The following MAGOHB variants were observed in gnomAD, a reference collection of about 807,000 sequenced individuals.
The protein encoded by MAGOHB is protein mago nashi homolog 2.
In MAGOHB, 15 loss-of-function variants were observed where a neutral mutation model predicts 20.9. That is an observed-to-expected ratio of 0.72 (90% CI 0.48 to 1.11). The LOEUF (loss-of-function observed/expected upper bound fraction) is 1.11, where lower values mean the gene tolerates loss of function less well. Among genes scored for constraint, MAGOHB ranks in the 50% least tolerant of loss-of-function variants. MAGOHB has a pLI of 0.00. For missense variants in MAGOHB, 162 were observed against 177.6 expected (o/e 0.91, Z 0.50); for synonymous variants, 50 against 57.9 (o/e 0.86, Z 0.62).
At chr12:10,610,577 CAA>C (rs541042923) in intron 2 of MAGOHB, 43 bp downstream of exon 2, 51,119 of 699,678 alleles carry the variant, frequency 0.073, 1 homozygote, top group Middle Eastern at 0.087. Context: ...GGGCTAAATG[CAA>C]AAAAAAAAAA....
At chr12:10,609,551 G>A in intron 3 of MAGOHB, 2 of 442,306 alleles carry the variant, frequency 4.5e-6, no homozygotes, top group Admixed American at 7.0e-5. Context: ...ACACACAACA[G>A]AAATTATTCA....
intron 2 of MAGOHB, among the ~76,000 whole-genome samples, chr12:10,610,293 C>T (rs190271287): frequency 2.0e-5 from 3 of 152,086 alleles, no homozygotes; most frequent in Admixed American, 6.6e-5. Flanking sequence ...GCAGGAGAAT[C>T]GCTTGAGCCT....
chr12:10,610,775 T>A (rs1865718985), intron 1 of MAGOHB, 95 bp from the exon 2 acceptor site: 1 of 1,097,226 alleles, frequency 9.1e-7, no homozygotes, highest in Non-Finnish European at 1.3e-6. Flanking sequence ...CATTTTATAC[T>A]ACTATTTTTA....
In MAGOHB at chr12:10,605,387, A is replaced by G. The variant is rs1484670834; in HGVS notation, c.*888T>C. On this transcript the variant is annotated 3_prime_UTR_variant, in exon 5 of 5. Transcript: ENST00000320756. ...GGGCAAGTGGATTATAACTACTGGA[A>G]CAGTGCAACTTTTTAAGAGTGGGGC... The G allele has an allele frequency of 2.0e-5, 3 of 152,214 alleles. No homozygotes were observed. Among genetic ancestry groups the G allele is most frequent in the Non-Finnish European group, 4.4e-5 (3 of 68,036 alleles). The allele number at this position is 152,214 out of a possible 1,614,324, so 9.4% of individuals were successfully genotyped here. A position where few individuals can be genotyped will look rare whatever the true frequency, so the allele number is the denominator to read the frequency against.
At chr12:10,611,906 C>A (rs1865750091) in intron 1 of MAGOHB, among the ~76,000 whole-genome samples, 1 of 152,012 alleles carries the variant, frequency 6.6e-6, no homozygotes, top group African/African-American at 2.4e-5. Flanking sequence ...GTACTTAATT[C>A]ATGTGACCTG....
intron 1 of MAGOHB, among the ~76,000 whole-genome samples, chr12:10,612,368 G>A (rs1427759068): frequency 6.6e-6 from 1 of 151,198 alleles, no homozygotes; most frequent in Non-Finnish European, 1.5e-5. Flanking sequence ...ACTGCACTCA[G>A]ATCTGGGTGA....
intron 3 of MAGOHB, 48 bp from the exon 4 acceptor site, chr12:10,607,984 G>C: frequency 8.6e-7 from 1 of 1,160,834 alleles, no homozygotes; most frequent in Non-Finnish European, 1.2e-6. Flanking sequence ...ATCTATCCCA[G>C]AGGTATCTGT....
chr12:10,599,559 C>T (rs1348274457), downstream of MAGOHB: 1 of 152,140 alleles, frequency 6.6e-6, no homozygotes, highest in Non-Finnish European at 1.5e-5. Flanking sequence ...GTGGAGAAAA[C>T]TGATTTCAAA....
In MAGOHB at chr12:10,604,988, C is replaced by T. The variant is rs1475056863; in HGVS notation, c.*1287G>A. ...AGTAGTTTATTGGCACCAATTACAC[C>T]AGTTAAGTGAAAAACCAAGATTTAT... On this transcript the variant is annotated 3_prime_UTR_variant, in exon 5 of 5. Coordinates refer to ENST00000320756, the MANE Select transcript of MAGOHB (RefSeq NM_018048.5). The T allele has an allele frequency of 6.6e-6, 1 of 151,966 alleles. No individual in the cohort carries two copies. Among genetic ancestry groups the T allele is most frequent in the Non-Finnish European group, 1.5e-5 (1 of 67,984 alleles). 9.4% of individuals were successfully genotyped at this position (151,966 alleles called of 1,614,324 possible). A position where few individuals can be genotyped will look rare whatever the true frequency, so the allele number is the denominator to read the frequency against.
In MAGOHB at chr12:10,609,866, C is replaced by T. The variant is rs1865691628; in HGVS notation, c.229G>A (p.Ala77Thr). The change falls in exon 3 of 5, where the codon GCT (alanine) becomes ACT (threonine). Residue 77 changes from alanine to threonine, a missense_variant. Transcript: ENST00000320756. ...ACCCTATCAGGGGGAGGCCACAAAGCATCATCTTCTTTTGTAATTTCACTG... is the reference window on the plus strand; with the variant it reads ...ACCCTATCAGGGGGAGGCCACAAAGTATCATCTTCTTTTGTAATTTCACTG... Reference protein sequence around the residue: ...DDSEITKEDDALWPPPDRVGR... With the variant: ...DDSEITKEDDTLWPPPDRVGR... 2 of 1,613,118 alleles carry T rather than the reference C, an allele frequency of 1.2e-6. No homozygotes were observed. The highest frequency in any genetic ancestry group is 1.7e-6 in the Non-Finnish European group (2 of 1,179,448).
chr12:10,611,435 T>C (rs1247699918), intron 1 of MAGOHB, among the ~76,000 whole-genome samples: 1 of 151,940 alleles, frequency 6.6e-6, no homozygotes, highest in Non-Finnish European at 1.5e-5. Context: ...TACTCTAAAA[T>C]GATAGAAATG....
rs576909816 is a variant in MAGOHB at position 10,612,335 on chromosome 12, T to C, written c.94+1104A>G. Among the ~76,000 whole-genome samples the C allele has an allele frequency of 4.4e-4, 66 of 151,618 alleles. 2 individuals carry two copies. In the South Asian group the frequency reaches 0.01, roughly 23 times the overall value. On this transcript the variant is annotated intron_variant, in intron 1 of 4. Transcript: ENST00000320756. Reference sequence around the variant, plus strand: ...ATCACTTGCACTAGGGAGGGGGAGGTTGCAGTGAGCTGAGATCGTGCCACT... The same window carrying C: ...ATCACTTGCACTAGGGAGGGGGAGGCTGCAGTGAGCTGAGATCGTGCCACT...
chr12:10,613,392 G>T, intron 1 of MAGOHB, 47 bp downstream of exon 1: 1 of 1,551,352 alleles, frequency 6.4e-7, no homozygotes, highest in Non-Finnish European at 8.9e-7. Context: ...CGGCCTCTCG[G>T]TCTCGCTCCC....
At chr12:10,610,270 C>A (rs1040087335) in intron 2 of MAGOHB, among the ~76,000 whole-genome samples, 3 of 152,094 alleles carry the variant, frequency 2.0e-5, no homozygotes, top group African/African-American at 7.2e-5. Context: ...GTAATAAATG[C>A]AAGTATACTG....
chr12:10,606,405 TCTTCC>T, intron 4 of MAGOHB, 31 bp from the exon 5 acceptor site: 2 of 1,223,724 alleles, frequency 1.6e-6, no homozygotes, highest in Non-Finnish European at 2.3e-6. Context: ...AGTTACTTTT[TCTTCC>T]TAGGATAAAA....
chr12:10,612,119 G>T lies in MAGOHB; in HGVS notation c.94+1320C>A, dbSNP rs187570834. 4.4e-3 allele frequency among the ~76,000 whole-genome samples: 672 copies of T among 152,154 alleles called. 2 individuals carry two copies. The highest frequency in any genetic ancestry group is 0.015 in the African/African-American group (624 of 41,500). ...AATCCCAGGACTGTGGGTGGCTGAC[G>T]CTGGTGGATCCCTTGACCTCAGGGG... On this transcript the variant is annotated intron_variant, in intron 1 of 4. Coordinates refer to ENST00000320756, the MANE Select transcript of MAGOHB (RefSeq NM_018048.5).
chr12:10,600,648 T>A (rs1865545304), downstream of MAGOHB, among the ~76,000 whole-genome samples: 1 of 152,216 alleles, frequency 6.6e-6, no homozygotes, highest in Non-Finnish European at 1.5e-5. Flanking sequence ...CAGCAAGGCC[T>A]CACATTTTCA....
At chr12:10,612,232 T>C (rs1865759179) in intron 1 of MAGOHB, among the ~76,000 whole-genome samples, 1 of 149,080 alleles carries the variant, frequency 6.7e-6, no homozygotes, top group Non-Finnish European at 1.5e-5. Flanking sequence ...TAACATAACA[T>C]AACATAACAT....
intron 1 of MAGOHB, among the ~76,000 whole-genome samples, chr12:10,612,225 CATAACAT>C (rs1865758885): frequency 6.7e-6 from 1 of 149,544 alleles, no homozygotes; most frequent in African/African-American, 2.5e-5. Context: ...CATAACATAA[CATAACAT>C]AACATAACAT....
Sources: gnomAD v4.1 joint callset for allele counts (sites outside exome capture counted in the v4.1 genomes callset) on GRCh38, gnomAD v4.1.1 for gene constraint, MANE v1.5 for transcripts, NCBI Gene and HGNC (gene_info 2026-07-23, HGNC 2026-07-21) for gene names.